Variants in HPS3 observed in about 807,000 individuals in gnomAD.
HPS3 encodes HPS3 biogenesis of lysosomal organelles complex 2 subunit 1, also known as BLOC-2 complex member HPS3.
Under a neutral mutation model 110.9 loss-of-function variants are expected in HPS3, and 79 were observed. The observed-to-expected ratio is 0.71, with a 90% CI of 0.59 to 0.86. The LOEUF is 0.86. Ranked by LOEUF, HPS3 falls within the 40% of genes least tolerant of loss-of-function variation. The pLI, the probability that HPS3 is intolerant of heterozygous loss-of-function variation, is 0.00. For synonymous variants in HPS3, 428 were observed against 451.0 expected (o/e 0.95, Z 0.65); for missense variants, 1,197 against 1,206.2 (o/e 0.99, Z 0.11).
chr3:149,153,986 T>G (rs1482930990), intron 7 of HPS3: 1 of 272,840 alleles, frequency 3.7e-6, no homozygotes. Context: ...ACTGTCTTTC[T>G]TCTTTGACCC....
At chr3:149,148,897 A>G (rs1722938899) in intron 5 of HPS3, among the ~76,000 whole-genome samples, 1 of 151,142 alleles carries the variant, frequency 6.6e-6, no homozygotes, top group Admixed American at 6.6e-5. Flanking sequence ...GGATTCCAAC[A>G]GTAGCCAATA....
intron 14 of HPS3, among the ~76,000 whole-genome samples, chr3:149,164,153 G>A (rs115730315): frequency 4.6e-5 from 7 of 152,122 alleles, no homozygotes; most frequent in East Asian, 1.9e-4. Flanking sequence ...TGTGCTGAGC[G>A]GCTGGTTTTG....
Position 149,160,172 on chromosome 3 carries a change from G to A in HPS3, c.1999G>A (p.Asp667Asn), listed in dbSNP as rs749664182. 4 of 1,613,926 alleles carry A rather than the reference G, an allele frequency of 2.5e-6. No homozygotes were observed. In the Admixed American group the frequency reaches 5.0e-5, roughly 20 times the overall value. The change falls in exon 11 of 17, where the codon GAT becomes AAT. Residue 667 changes from aspartate (D) to asparagine (N), a missense_variant. By Grantham distance (23) the Asp-to-Asn change is conservative (BLOSUM62 1). Coordinates refer to ENST00000296051, the MANE Select transcript of HPS3 (RefSeq NM_032383.5). Reference sequence around the variant, plus strand: ...TGCCATGAGCTATCTAAGGAAGCTGGATACTTCTGGGTTTTCATCGATCTT... The same window carrying A: ...TGCCATGAGCTATCTAAGGAAGCTGAATACTTCTGGGTTTTCATCGATCTT... ...LTAMSYLRKL[D>N]TSGFSSILVT...
Position 149,140,209 on chromosome 3 carries a change from T to C in HPS3, c.423T>C (p.Cys141=). 6.2e-7 allele frequency: 1 copy of C among 1,614,244 alleles called. No homozygotes were observed. The highest frequency in any genetic ancestry group is 8.5e-7 in the Non-Finnish European group (1 of 1,180,040). ...PLSEAPLCIS[C]CPVKGDLLVG... ...CGGAGGCCCCCTTGTGCATTTCCTG[T>C]TGCCCTGTGAAAGGAGACCTTCTCG... Residue 141 remains cysteine, a synonymous_variant, in exon 2 of 17, where the codon TGT becomes TGC. Coordinates refer to ENST00000296051, the MANE Select transcript of HPS3 (RefSeq NM_032383.5).
chr3:149,145,593 A>G, intron 5 of HPS3, 47 bp downstream of exon 5: 1 of 1,463,296 alleles, frequency 6.8e-7, no homozygotes, highest in Non-Finnish European at 9.6e-7. Context: ...CTTATTTGTA[A>G]ATTTTTGAGG....
intron 1 of HPS3, among the ~76,000 whole-genome samples, chr3:149,131,702 C>T (rs1033689651): frequency 6.6e-6 from 1 of 152,144 alleles, no homozygotes; most frequent in African/African-American, 2.4e-5. Flanking sequence ...GACACTTGGA[C>T]GTCTCTCACT....
chr3:149,164,773 C>T lies in HPS3; in HGVS notation c.2589+824C>T, dbSNP rs113994975. Among the ~76,000 whole-genome samples, 893 of 152,338 alleles carry T rather than the reference C, an allele frequency of 5.9e-3. 6 individuals are homozygous for T. The highest frequency in any genetic ancestry group is 0.021 in the African/African-American group (862 of 41,570). ...AGCCCCTCCTTGGGCAGTGCTCACA[C>T]TGTCCTCCCGCACAGTTATCATCTT... On this transcript the variant is annotated intron_variant, in intron 14 of 16. Coordinates refer to ENST00000296051, the MANE Select transcript of HPS3 (RefSeq NM_032383.5).
intron 1 of HPS3, among the ~76,000 whole-genome samples, 180 bp from the exon 2 acceptor site, chr3:149,139,824 G>A (rs1026525990): frequency 1.3e-5 from 2 of 152,190 alleles, no homozygotes; most frequent in African/African-American, 4.8e-5. Context: ...TTGCATTTCA[G>A]AACCTCAAAG....
rs1001373823 is a variant in HPS3, at chr3:149,169,169, C to T, written c.2887+1186C>T. Among the ~76,000 whole-genome samples the T allele has an allele frequency of 5.3e-5, 8 of 152,058 alleles. No homozygotes were observed. In the East Asian group the frequency reaches 5.8e-4, roughly 11 times the overall value. On this transcript the variant is annotated intron_variant, in intron 16 of 16. Transcript: ENST00000296051. ...TTTCAAGCTACACATTCCTCACCAG[C>T]AATATGCCTCTCCTATAGGAAGCAT...
At position 149,140,423 on chromosome 3, in the gene HPS3, T is replaced by G; in HGVS notation, c.637T>G (p.Ser213Ala). 1 of 1,612,032 alleles carries G rather than the reference T, an allele frequency of 6.2e-7. No homozygotes were observed. Among genetic ancestry groups the G allele is most frequent in the Non-Finnish European group, 8.5e-7 (1 of 1,179,200 alleles). The change falls in exon 2 of 17, where the codon TCA (serine) becomes GCA (alanine). Residue 213 changes from serine to alanine, a missense_variant. Transcript: ENST00000296051. ...DLEVLIVKLE[S>A]GPKNGERVHH... is the part of the protein sequence containing the mutation. The stretch of plus-strand genomic sequence containing the variant: ...AGAAGTCTTAATCGTAAAACTGGAG[T>G]CAGGCCCTAAAAATGGAGAGAGAGT...
In HPS3 at chr3:149,172,153, A is replaced by G. The variant is rs1209045557; in HGVS notation, c.2946A>G (p.Pro982=). The G allele has an allele frequency of 2.5e-6, 4 of 1,612,870 alleles. No homozygotes were observed. The highest frequency in any genetic ancestry group is 3.4e-6 in the Non-Finnish European group (4 of 1,178,974). ...LELKDFMNVL[P]EDGTATFFLP... Reference sequence around the variant, plus strand: ...TGAAGGATTTCATGAATGTTCTCCCAGAAGATGGTACTGCAACATTTTTCT... The same window carrying G: ...TGAAGGATTTCATGAATGTTCTCCCGGAAGATGGTACTGCAACATTTTTCT... The change falls in exon 17 of 17, where the codon CCA becomes CCG. Residue 982 remains proline (P), a synonymous_variant. Transcript: ENST00000296051.
intron 16 of HPS3, among the ~76,000 whole-genome samples, chr3:149,169,151 C>T (rs1724731433): frequency 6.6e-6 from 1 of 151,952 alleles, no homozygotes; most frequent in African/African-American, 2.4e-5. Flanking sequence ...TTTTTTCAAG[C>T]TACACATTCC....
intron 1 of HPS3, chr3:149,130,405 T>A (rs2108113398): frequency 6.0e-6 from 1 of 166,686 alleles, no homozygotes; most frequent in East Asian, 1.7e-4. Flanking sequence ...TCCATCTACT[T>A]CCGGTCGGTT....
At chr3:149,154,078 ATTTAT>A in intron 7 of HPS3, 1 of 193,632 alleles carries the variant, frequency 5.2e-6, no homozygotes. Flanking sequence ...CTTAAAGCAC[ATTTAT>A]GATCTATAGA....
Position 149,151,535 on chromosome 3 carries a change from T to G in HPS3, c.1245+855T>G, listed in dbSNP as rs1178260506. ...CTATACTTAATCGAAGAGTTAATGG[T>G]TATGGTAGATCAATAATCTCATTTT... On this transcript the variant is annotated intron_variant, in intron 6 of 16. Coordinates refer to ENST00000296051, the MANE Select transcript of HPS3 (RefSeq NM_032383.5). Among the ~76,000 whole-genome samples, 4 of 147,002 alleles carry G rather than the reference T, an allele frequency of 2.7e-5. No homozygotes were observed. The East Asian group carries it at 7.9e-4, about 29-fold the overall frequency.
chr3:149,151,521 CGA>C (rs1723109752), intron 6 of HPS3, among the ~76,000 whole-genome samples: 1 of 132,964 alleles, frequency 7.5e-6, no homozygotes, highest in African/African-American at 2.9e-5. Flanking sequence ...TATACTTAAT[CGA>C]AGAGTTAATG....
chr3:149,172,281 G>A lies in HPS3; in HGVS notation c.*59G>A. On this transcript the variant is annotated 3_prime_UTR_variant, in exon 17 of 17. Coordinates refer to ENST00000296051, the MANE Select transcript of HPS3 (RefSeq NM_032383.5). ...GAGACTGAATTTCTAAAAATTGAAT[G>A]CCAAAGTACAAGTAGAGGAGTTTTT... 6.9e-7 allele frequency: 1 copy of A among 1,440,832 alleles called. No individual in the cohort carries two copies. Among genetic ancestry groups the A allele is most frequent in the Non-Finnish European group, 9.6e-7 (1 of 1,038,476 alleles). 89.3% of individuals were successfully genotyped at this position (1,440,832 alleles called of 1,614,324 possible).
intron 4 of HPS3, among the ~76,000 whole-genome samples, chr3:149,144,211 C>A (rs1184511094): frequency 8.6e-6 from 1 of 116,910 alleles, no homozygotes; most frequent in African/African-American, 3.4e-5. Flanking sequence ...CCCGTCTCTA[C>A]TAGAAAAAAA....
intron 2 of HPS3, 23 bp downstream of exon 2, chr3:149,140,521 T>C: frequency 1.2e-6 from 2 of 1,613,786 alleles, no homozygotes; most frequent in South Asian, 1.1e-5. Context: ...TTTGACTTGC[T>C]TTCTTGTTTT....
Sources: allele counts gnomAD v4.1 joint callset (sites outside exome capture counted in the v4.1 genomes callset), GRCh38; gene constraint gnomAD v4.1.1; transcripts MANE v1.5; gene names NCBI Gene and HGNC (gene_info 2026-07-23, HGNC 2026-07-21).